Variants in NREP observed in about 807,000 individuals in gnomAD.
NREP encodes neuronal regeneration-related protein.
A neutral mutation model predicts 8.6 loss-of-function variants in NREP; 5 were observed. The observed-to-expected ratio is 0.58, with a 90% CI of 0.30 to 1.22. NREP has a LOEUF of 1.22. Among genes scored for constraint, NREP ranks in the 50% most tolerant of loss-of-function variants. The probability of loss-of-function intolerance (pLI) is 0.07; values close to 1 mark genes in which losing one functional copy is unlikely to be tolerated. For missense variants in NREP, 86 were observed against 82.5 expected (o/e 1.04, Z -0.17); for synonymous variants, 27 against 28.0 (o/e 0.96, Z 0.11).
At chr5:111,791,442 A>G (rs1751744636) in intron 2 of NREP, among the ~76,000 whole-genome samples, 3 of 152,186 alleles carry the variant, frequency 2.0e-5, no homozygotes, top group Non-Finnish European at 4.4e-5. Context: ...GATTTTGACA[A>G]CATTTGTGAG....
intron 2 of NREP, among the ~76,000 whole-genome samples, chr5:111,875,940 G>T (rs547850618): frequency 5.8e-4 from 88 of 152,282 alleles, no homozygotes; most frequent in Middle Eastern, 3.4e-3. Context: ...GAAATGTAAG[G>T]GGTTTTATAC....
chr5:111,848,425 C>T (rs1403001693), intron 2 of NREP, among the ~76,000 whole-genome samples: 1 of 145,012 alleles, frequency 6.9e-6, no homozygotes, highest in Non-Finnish European at 1.5e-5. Context: ...CATTTGCCTA[C>T]ATGGAGAGTT....
chr5:111,739,652 A>C (rs910010486), intron 2 of NREP: 1 of 152,062 alleles, frequency 6.6e-6, no homozygotes, highest in Admixed American at 6.6e-5. Flanking sequence ...ACTGCATTCC[A>C]TTCATTCATT....
At chr5:111,878,940 T>C (rs1402411973) in intron 2 of NREP, among the ~76,000 whole-genome samples, 1 of 152,220 alleles carries the variant, frequency 6.6e-6, no homozygotes, top group Non-Finnish European at 1.5e-5. Flanking sequence ...CCAGACACTG[T>C]TTGATATAGT....
At chr5:111,804,756 C>T (rs979602570) in intron 2 of NREP, among the ~76,000 whole-genome samples, 3 of 151,820 alleles carry the variant, frequency 2.0e-5, no homozygotes, top group Non-Finnish European at 2.9e-5. Flanking sequence ...AGTCCCAGCA[C>T]TTTGGAAGGC....
At chr5:111,940,072 C>T (rs1192168025) in intron 2 of NREP, 1 of 152,004 alleles carries the variant, frequency 6.6e-6, no homozygotes, top group African/African-American at 2.4e-5. Flanking sequence ...GTGTACATCC[C>T]AATCTGAATT....
intron 2 of NREP, among the ~76,000 whole-genome samples, chr5:111,776,225 C>T (rs920479023): frequency 4.6e-5 from 7 of 151,982 alleles, no homozygotes; most frequent in African/African-American, 1.7e-4. Flanking sequence ...TGTATATGTG[C>T]AAGATAATTT....
At chr5:111,926,914 G>T (rs1200836193) in intron 2 of NREP, among the ~76,000 whole-genome samples, 1 of 151,338 alleles carries the variant, frequency 6.6e-6, no homozygotes, top group Non-Finnish European at 1.5e-5. Context: ...CATGGACCCG[G>T]AGGAGTGGGT....
intron 2 of NREP, among the ~76,000 whole-genome samples, chr5:111,893,622 A>G (rs1450581322): frequency 6.6e-6 from 1 of 150,938 alleles, no homozygotes; most frequent in Non-Finnish European, 1.5e-5. Flanking sequence ...AGGGTTAAAT[A>G]TAACCCTTAA....
chr5:111,855,782 A>AC (rs1561695582), intron 2 of NREP, among the ~76,000 whole-genome samples: 1 of 152,162 alleles, frequency 6.6e-6, no homozygotes, highest in Non-Finnish European at 1.5e-5. Context: ...GGGTTGCAGG[A>AC]CCAGGACAAA....
chr5:111,869,703 T>A (rs1284720441), intron 2 of NREP, among the ~76,000 whole-genome samples: 1 of 152,110 alleles, frequency 6.6e-6, no homozygotes, highest in African/African-American at 2.4e-5. Context: ...TTGGAAGGGA[T>A]ATATTTTGAG....
intron 2 of NREP, among the ~76,000 whole-genome samples, chr5:111,829,120 T>C (rs1381625001): frequency 3.3e-5 from 5 of 151,734 alleles, no homozygotes; most frequent in Non-Finnish European, 2.9e-5. Context: ...CAAAAACATA[T>C]AATTCTATGT....
rs117952125 is a variant in NREP, at chr5:111,768,234, G to A, written c.136-32727C>T. ...AACCAGGTGGAATGACTTATACCAGGGGGTCAACAGTGGTAGCCTCAAGAA... is the reference window on the plus strand; with the variant it reads ...AACCAGGTGGAATGACTTATACCAGAGGGTCAACAGTGGTAGCCTCAAGAA... On this transcript the variant is annotated intron_variant, in intron 2 of 3. Coordinates refer to the NREP transcript ENST00000395634. 1.7e-3 allele frequency among the ~76,000 whole-genome samples: 265 copies of A among 152,260 alleles called. 4 individuals are homozygous for A. The East Asian group carries it at 0.041, about 23-fold the overall frequency.
At position 111,730,540 on chromosome 5, in the gene NREP, G is replaced by T. The variant is rs373117562; in HGVS notation, c.*381C>A. ...GTTACATCTAAATGAAAAAAAAGGT[G>T]GGGGGGGGACTCTCAGCCTCTGCAA... is the stretch of plus-strand genomic sequence containing the variant. On this transcript the variant is annotated 3_prime_UTR_variant, in exon 4 of 4. Transcript: ENST00000257435. 43 of 48,618 alleles carry T rather than the reference G, an allele frequency of 8.8e-4. No homozygotes were observed. The highest frequency in any genetic ancestry group is 7.6e-3 in the Middle Eastern group (1 of 132). The allele number at this position is 48,618 out of a possible 1,614,324, so 3.0% of individuals were successfully genotyped here. A position where few individuals can be genotyped will look rare whatever the true frequency, so the allele number is the denominator to read the frequency against.
intron 2 of NREP, among the ~76,000 whole-genome samples, chr5:111,831,708 G>C (rs1463094779): frequency 6.6e-6 from 1 of 152,166 alleles, no homozygotes; most frequent in Non-Finnish European, 1.5e-5. Context: ...AAAGCAGTAT[G>C]GGTATTATCC....
At chr5:111,857,453 C>T (rs897268531) in intron 2 of NREP, among the ~76,000 whole-genome samples, 6 of 152,088 alleles carry the variant, frequency 3.9e-5, no homozygotes, top group Admixed American at 6.6e-5. Flanking sequence ...TAACTTATCA[C>T]GTAGTGAAAA....
intron 2 of NREP, among the ~76,000 whole-genome samples, chr5:111,839,051 A>G (rs1254693791): frequency 6.6e-6 from 1 of 152,102 alleles, no homozygotes; most frequent in Non-Finnish European, 1.5e-5. Flanking sequence ...TGACGTTTCT[A>G]GATTATACTC....
chr5:111,879,220 G>C (rs1219267060), intron 2 of NREP, among the ~76,000 whole-genome samples: 1 of 152,112 alleles, frequency 6.6e-6, no homozygotes, highest in African/African-American at 2.4e-5. Flanking sequence ...GCTTGCTGGG[G>C]CCTCACCAGA....
At chr5:111,740,157 A>T (rs1749526364) in intron 2 of NREP, among the ~76,000 whole-genome samples, 1 of 152,154 alleles carries the variant, frequency 6.6e-6, no homozygotes, top group East Asian at 1.9e-4. Flanking sequence ...CTATGATGCT[A>T]TATTTATCTC....
Sources: allele counts gnomAD v4.1 joint callset (sites outside exome capture counted in the v4.1 genomes callset), GRCh38; gene constraint gnomAD v4.1.1; transcripts MANE v1.5; gene names NCBI Gene and HGNC (gene_info 2026-07-23, HGNC 2026-07-21).